LRRC37A2: variants seen among roughly 807,000 people sequenced by gnomAD.
LRRC37A2 encodes leucine-rich repeat-containing protein 37A2.
Under a neutral mutation model 68.8 loss-of-function variants are expected in LRRC37A2, and 9 were observed. The ratio of observed to expected loss-of-function variants is 0.13; its 90% CI spans 0.08 to 0.23. The LOEUF (loss-of-function observed/expected upper bound fraction) is 0.23, where lower values mean the gene tolerates loss of function less well. LRRC37A2 is among the 10% of genes least tolerant of loss of function. The pLI is 1.00. For missense variants in LRRC37A2, 168 were observed against 950.4 expected, an observed-to-expected ratio of 0.18 and a Z score of 10.82; for synonymous variants, 63 against 367.6, an observed-to-expected ratio of 0.17 and a Z score of 9.48.
the LRRC37A2 span, among the ~76,000 whole-genome samples, chr17:46,945,823 A>C: frequency 6.6e-6 from 1 of 152,168 alleles, no homozygotes; most frequent in Non-Finnish European, 1.5e-5. Flanking sequence ...CCAGGACCTC[A>C]CCAGGTGGTT....
At chr17:46,958,908 C>T in the LRRC37A2 span, among the ~76,000 whole-genome samples, 1 of 152,360 alleles carries the variant, frequency 6.6e-6, no homozygotes, top group East Asian at 1.9e-4. Context: ...AATGTACAAC[C>T]TACCTCCAAG....
the LRRC37A2 span, among the ~76,000 whole-genome samples, chr17:46,831,977 A>T: frequency 1.1e-4 from 17 of 152,196 alleles, no homozygotes; most frequent in Non-Finnish European, 1.6e-4. Context: ...CTCTGGCTAG[A>T]GCTACCCCAG....
At chr17:46,941,838 G>A in the LRRC37A2 span, 13,526 of 661,884 alleles carry the variant, frequency 0.02, 164 homozygotes, top group Non-Finnish European at 0.023. Context: ...TGCCTGCTTC[G>A]GCCTCCCAAA....
chr17:46,905,351 C>T, the LRRC37A2 span, among the ~76,000 whole-genome samples: 7 of 152,196 alleles, frequency 4.6e-5, no homozygotes. Context: ...GCTGGGATTA[C>T]AGATGTGAGC....
At chr17:46,626,262 A>G in the LRRC37A2 span, among the ~76,000 whole-genome samples, 2 of 100,210 alleles carry the variant, frequency 2.0e-5, no homozygotes, top group African/African-American at 1.1e-4. Context: ...TAGGATGTGA[A>G]GTAATTCTCA....
chr17:46,832,542 G>A, the LRRC37A2 span, among the ~76,000 whole-genome samples: 1 of 151,792 alleles, frequency 6.6e-6, no homozygotes, highest in Non-Finnish European at 1.5e-5. Context: ...AGAAAGCCCG[G>A]GCCATAAAGG....
the LRRC37A2 span, among the ~76,000 whole-genome samples, chr17:46,950,173 G>C: frequency 6.6e-6 from 1 of 152,220 alleles, no homozygotes; most frequent in Admixed American, 6.5e-5. Context: ...CAATGTCTCT[G>C]CAAGAGTTCA....
the LRRC37A2 span, among the ~76,000 whole-genome samples, chr17:46,793,048 T>G: frequency 6.6e-6 from 1 of 151,310 alleles, no homozygotes; most frequent in African/African-American, 2.4e-5. Flanking sequence ...GAGGAGCACT[T>G]GAGCTCAGGT....
chr17:46,687,562 T>C, the LRRC37A2 span, among the ~76,000 whole-genome samples: 3 of 149,222 alleles, frequency 2.0e-5, no homozygotes, highest in African/African-American at 7.4e-5. Context: ...ACCAAAATTC[T>C]CATTCTGTTT....
At chr17:46,974,997 T>G in the LRRC37A2 span, among the ~76,000 whole-genome samples, 1 of 25,794 alleles carries the variant, frequency 3.9e-5, no homozygotes, top group Non-Finnish European at 1.4e-4. Context: ...CTTTTTTTTT[T>G]TTTTTTTTTT....
At chr17:46,963,101 A>G in the LRRC37A2 span, among the ~76,000 whole-genome samples, 1 of 152,254 alleles carries the variant, frequency 6.6e-6, no homozygotes, top group African/African-American at 2.4e-5. Flanking sequence ...TTATGTGGCC[A>G]AGTGGGAGAG....
the LRRC37A2 span, chr17:46,876,108 G>A: frequency 3.8e-6 from 3 of 784,056 alleles, no homozygotes; most frequent in African/African-American, 3.5e-5. Flanking sequence ...CCAGGCCAAG[G>A]GGAGGAGCTG....
At chr17:46,876,286 C>A in the LRRC37A2 span, 1 of 1,613,640 alleles carries the variant, frequency 6.2e-7, no homozygotes, top group Admixed American at 1.7e-5. Context: ...AGTGCCATGG[C>A]GTATCAGGCT....
At chr17:47,038,082 T>C in the LRRC37A2 span, among the ~76,000 whole-genome samples, 28,632 of 152,136 alleles carry the variant, frequency 0.19, 3,529 homozygotes, top group East Asian at 0.56. Flanking sequence ...GGTGGGAGGA[T>C]TGCTTGACCC....
chr17:46,931,153 G>T, the LRRC37A2 span: 4 of 1,611,834 alleles, frequency 2.5e-6, no homozygotes, highest in Non-Finnish European at 2.5e-6. Flanking sequence ...CGTCTAGAAC[G>T]TCTGGAGATT....
At chr17:46,900,202 T>TATATAC in the LRRC37A2 span, among the ~76,000 whole-genome samples, 128 of 101,152 alleles carry the variant, frequency 1.3e-3, no homozygotes, top group East Asian at 0.011. Flanking sequence ...TATATATATA[T>TATATAC]ACACACACAC....
chr17:46,601,955 G>A, the LRRC37A2 span, among the ~76,000 whole-genome samples: 1 of 145,498 alleles, frequency 6.9e-6, no homozygotes, highest in Non-Finnish European at 1.5e-5. Context: ...AGGCTGAGGC[G>A]GGTGGATCAC....
chr17:46,753,392 T>C, the LRRC37A2 span, among the ~76,000 whole-genome samples: 1 of 152,252 alleles, frequency 6.6e-6, no homozygotes, highest in Non-Finnish European at 1.5e-5. Context: ...TTTTTGACTT[T>C]CAGAAATCTA....
the LRRC37A2 span, chr17:46,978,580 G>T: frequency 1.3e-6 from 2 of 1,517,072 alleles, no homozygotes; most frequent in Non-Finnish European, 1.8e-6. Context: ...AGAGAGCGGG[G>T]CGAGGGTCCG....
Sources: gnomAD v4.1 joint callset for allele counts (sites outside exome capture counted in the v4.1 genomes callset) on GRCh38, gnomAD v4.1.1 for gene constraint, MANE v1.5 for transcripts, NCBI Gene and HGNC (gene_info 2026-07-23, HGNC 2026-07-21) for gene names.